SCIMP: variants seen among roughly 807,000 people sequenced by gnomAD.
The protein encoded by SCIMP is SLP adaptor and CSK interacting membrane protein.
SCIMP carries 18 observed loss-of-function variants against 22.0 expected under a neutral mutation model. The ratio of observed to expected loss-of-function variants is 0.82; its 90% confidence interval spans 0.56 to 1.21. The LOEUF is 1.21. Among genes scored for constraint, SCIMP ranks in the 50% most tolerant of loss-of-function variants. SCIMP has a pLI of 0.00. For synonymous variants in SCIMP, 53 were observed against 62.2 expected, an observed-to-expected ratio of 0.85 and a Z score of 0.70; for missense variants, 155 against 171.2, an observed-to-expected ratio of 0.91 and a Z score of 0.53.
chr17:5,232,837 G>A (rs1281901805), intron 1 of SCIMP, among the ~76,000 whole-genome samples: 1 of 151,994 alleles, frequency 6.6e-6, no homozygotes, highest in African/African-American at 2.4e-5. Flanking sequence ...AGCCTCCTGA[G>A]TAGCTGGGAT....
At chr17:5,212,600 C>G (rs557710224) in intron 4 of SCIMP, among the ~76,000 whole-genome samples, 2 of 151,988 alleles carry the variant, frequency 1.3e-5, no homozygotes, top group African/African-American at 4.8e-5. Flanking sequence ...CGCCACTGCA[C>G]TCCAGCCTGG....
chr17:5,230,910 T>C (rs140309751), intron 1 of SCIMP, among the ~76,000 whole-genome samples: 1 of 152,300 alleles, frequency 6.6e-6, no homozygotes, highest in African/African-American at 2.4e-5. Context: ...CAGTGCACTC[T>C]AGCCTGGGTT....
rs549911278 is a variant in SCIMP at position 5,231,087 on chromosome 17, C to T, written c.21+3648G>A. On this transcript the variant is annotated intron_variant, in intron 1 of 4. Coordinates refer to ENST00000574081, the MANE Select transcript of SCIMP (RefSeq NM_207103.3). ...TAAGTTGTTTTTCAAGGGCTGGGCA[C>T]GGTGGCTCACGCCTGTAATCCCAGC... Among the ~76,000 whole-genome samples, 170 of 152,216 alleles carry T rather than the reference C, an allele frequency of 1.1e-3. 1 individual carries two copies. The highest frequency in any genetic ancestry group is 3.7e-3 in the African/African-American group (154 of 41,544).
At chr17:5,225,771 A>AC (rs987188116) in intron 1 of SCIMP, among the ~76,000 whole-genome samples, 3 of 151,824 alleles carry the variant, frequency 2.0e-5, no homozygotes, top group Admixed American at 1.3e-4. Flanking sequence ...TGAAAAAAAA[A>AC]AAAAAACACC....
At chr17:5,232,378 A>ATAGACAGTGCAGTG (rs2074706013) in intron 1 of SCIMP, among the ~76,000 whole-genome samples, 1 of 138,564 alleles carries the variant, frequency 7.2e-6, no homozygotes, top group African/African-American at 2.8e-5. Context: ...ACAGTGCAGT[A>ATAGACAGTGCAGTG]TAAACAGTGC....
At chr17:5,220,547 G>C (rs574137467) in intron 3 of SCIMP, among the ~76,000 whole-genome samples, 20 of 151,870 alleles carry the variant, frequency 1.3e-4, no homozygotes, top group Non-Finnish European at 2.8e-4. Flanking sequence ...GATCAGCCTG[G>C]CTAACATGGT....
intron 2 of SCIMP, among the ~76,000 whole-genome samples, chr17:5,221,657 G>A (rs2074608681): frequency 6.6e-6 from 1 of 152,196 alleles, no homozygotes; most frequent in African/African-American, 2.4e-5. Flanking sequence ...TCCTGTAGAT[G>A]GACATACACG....
chr17:5,231,233 G>A (rs781523060), intron 1 of SCIMP, among the ~76,000 whole-genome samples: 37 of 151,894 alleles, frequency 2.4e-4, no homozygotes, highest in Non-Finnish European at 4.7e-4. Context: ...GGTGGCAGGC[G>A]CCTGTAATCC....
chr17:5,227,112 C>A (rs1370785366), intron 1 of SCIMP, among the ~76,000 whole-genome samples: 1 of 152,006 alleles, frequency 6.6e-6, no homozygotes, highest in African/African-American at 2.4e-5. Flanking sequence ...ATTGTGAGTA[C>A]AGGACTACTG....
intron 4 of SCIMP, chr17:5,213,903 G>A (rs2074545096): frequency 6.6e-6 from 1 of 152,172 alleles, no homozygotes; most frequent in South Asian, 2.1e-4. Context: ...CAGACTGAAT[G>A]TTTGTGTCCC....
In SCIMP at chr17:5,210,864, A is replaced by G. The variant is rs748157119; in HGVS notation, c.375T>C (p.Ile125=). ...NKKTVSIPSY[I]EPEDDYDDVE... Reference sequence around the variant, plus strand: ...CATCGTCATAGTCATCTTCAGGCTCAATGTAGCTTGGGATGGAAACAGTCT... The same window carrying G: ...CATCGTCATAGTCATCTTCAGGCTCGATGTAGCTTGGGATGGAAACAGTCT... The change falls in exon 5 of 5, where the codon ATT becomes ATC. Residue 125 remains isoleucine (I), a synonymous_variant. Coordinates refer to ENST00000574081, the MANE Select transcript of SCIMP (RefSeq NM_207103.3). 2.7e-5 allele frequency: 44 copies of G among 1,613,950 alleles called. No individual in the cohort carries two copies. Among genetic ancestry groups the G allele is most frequent in the Non-Finnish European group, 3.4e-5 (40 of 1,180,010 alleles).
chr17:5,223,530 T>G, intron 1 of SCIMP, 74 bp from the exon 2 acceptor site: 1 of 1,464,570 alleles, frequency 6.8e-7, no homozygotes, highest in South Asian at 1.2e-5. Context: ...GGGGCAGTTA[T>G]CTACTGTGGG....
intron 3 of SCIMP, among the ~76,000 whole-genome samples, chr17:5,220,216 C>T (rs1356691202): frequency 1.3e-5 from 2 of 151,974 alleles, no homozygotes; most frequent in Non-Finnish European, 2.9e-5. Flanking sequence ...TTGGAATCCA[C>T]CAAAAGAAAA....
Position 5,210,678 on chromosome 17 carries a change from C to T in SCIMP, c.*123G>A. The T allele has an allele frequency of 7.6e-7, 1 of 1,310,816 alleles. No individual in the cohort carries two copies. Among genetic ancestry groups the T allele is most frequent in the Non-Finnish European group, 1.0e-6 (1 of 960,294 alleles). The allele number at this position is 1,310,816 out of a possible 1,614,324, so 81.2% of individuals were successfully genotyped here. A position where few individuals can be genotyped will look rare whatever the true frequency, so the allele number is the denominator to read the frequency against. On this transcript the variant is annotated 3_prime_UTR_variant, in exon 5 of 5. Transcript: ENST00000574081. ...TTGGGAAGTGCTTTATCTTATAGAG[C>T]TTCATAAAATCACCACTGGCTTTCA...
chr17:5,231,909 A>G lies in SCIMP; in HGVS notation c.21+2826T>C, dbSNP rs192828828. Among the ~76,000 whole-genome samples the G allele has an allele frequency of 7.1e-3, 1,079 of 152,258 alleles. 7 individuals carry two copies. The highest frequency in any genetic ancestry group is 0.012 in the Non-Finnish European group (844 of 68,014). On this transcript the variant is annotated intron_variant, in intron 1 of 4. Transcript: ENST00000574081. ...CTCTACTTAAAAAATACAAAAAATTAGCCAGGCATGGTGGCAGGCGCCTGT... is the reference window on the plus strand; with the variant it reads ...CTCTACTTAAAAAATACAAAAAATTGGCCAGGCATGGTGGCAGGCGCCTGT...
At chr17:5,214,794 C>T (rs763239729) in intron 4 of SCIMP, 131 bp downstream of exon 4, 49 of 581,720 alleles carry the variant, frequency 8.4e-5, no homozygotes, top group Non-Finnish European at 1.3e-4. Flanking sequence ...GAGCCGAGAT[C>T]GTGCCATTGC....
chr17:5,210,736 T>C lies in SCIMP; in HGVS notation c.*65A>G, dbSNP rs531628627. The C allele has an allele frequency of 4.4e-4, 682 of 1,554,812 alleles. 1 individual carries two copies. Among genetic ancestry groups the C allele is most frequent in the Non-Finnish European group, 5.3e-4 (609 of 1,156,808 alleles). On this transcript the variant is annotated 3_prime_UTR_variant, in exon 5 of 5. Coordinates refer to ENST00000574081, the MANE Select transcript of SCIMP (RefSeq NM_207103.3). ...GAGACCTACTGAAGTTCAACCATTC[T>C]TGATTGTTTTAAAATAAGTTGTGTG...
chr17:5,216,476 G>T (rs1354801689), intron 3 of SCIMP, among the ~76,000 whole-genome samples: 1 of 152,028 alleles, frequency 6.6e-6, no homozygotes, highest in Non-Finnish European at 1.5e-5. Context: ...GACTAGCCTG[G>T]CCAACATGAT....
chr17:5,217,889 T>C (rs984475856), intron 3 of SCIMP, among the ~76,000 whole-genome samples: 6 of 152,102 alleles, frequency 3.9e-5, no homozygotes, highest in African/African-American at 1.4e-4. Flanking sequence ...GCCTGTGTCT[T>C]TATAGCAGCA....
Sources: allele counts gnomAD v4.1 joint callset (sites outside exome capture counted in the v4.1 genomes callset), GRCh38; gene constraint gnomAD v4.1.1; transcripts MANE v1.5; gene names NCBI Gene and HGNC (gene_info 2026-07-23, HGNC 2026-07-21).